The following ADCY3 variants were observed in gnomAD, a reference collection of about 807,000 sequenced individuals.
ADCY3 encodes the protein adenylate cyclase type 3.
ADCY3 carries 70 observed loss-of-function variants against 119.4 expected under a neutral mutation model. The observed-to-expected ratio is 0.59, with a 90% confidence interval of 0.48 to 0.72. ADCY3 has a LOEUF of 0.72. Ranked by LOEUF, ADCY3 falls within the 30% of genes least tolerant of loss-of-function variation. ADCY3 has a pLI of 0.00. For missense variants in ADCY3, 1,238 were observed against 1,541.6 expected, an observed-to-expected ratio of 0.80 and a Z score of 3.30; for synonymous variants, 672 against 621.4, an observed-to-expected ratio of 1.08 and a Z score of -1.21.
intron 13 of ADCY3, among the ~76,000 whole-genome samples, chr2:24,829,068 G>A (rs976528619): frequency 6.6e-6 from 1 of 150,572 alleles, no homozygotes; most frequent in Non-Finnish European, 1.5e-5. Flanking sequence ...CCAGACTGGC[G>A]TGCAGTGGTG....
intron 2 of ADCY3, among the ~76,000 whole-genome samples, chr2:24,882,002 T>C (rs1442059520): frequency 1.3e-5 from 2 of 152,246 alleles, no homozygotes; most frequent in Non-Finnish European, 2.9e-5. Flanking sequence ...GCCTTCTTCC[T>C]TTTTGATTCC....
chr2:24,871,170 G>A (rs1674966558), intron 3 of ADCY3, among the ~76,000 whole-genome samples: 1 of 151,446 alleles, frequency 6.6e-6, no homozygotes, highest in South Asian at 2.1e-4. Context: ...CCAGAGGGAT[G>A]CCTCCACAGT....
chr2:24,903,165 A>AG (rs1679107372), intron 2 of ADCY3, among the ~76,000 whole-genome samples: 1 of 151,844 alleles, frequency 6.6e-6, no homozygotes, highest in African/African-American at 2.4e-5. Context: ...AAAAAAAAAA[A>AG]AAAGTTATAC....
intron 2 of ADCY3, among the ~76,000 whole-genome samples, chr2:24,901,109 A>T (rs1678847315): frequency 6.6e-6 from 1 of 152,152 alleles, no homozygotes; most frequent in South Asian, 2.1e-4. Flanking sequence ...AGCAGCGAGG[A>T]GGGAGCAGGT....
chr2:24,830,893 G>T, intron 12 of ADCY3, 68 bp from the exon 13 acceptor site: 2 of 1,245,724 alleles, frequency 1.6e-6, no homozygotes, highest in Non-Finnish European at 2.3e-6. Context: ...GTGACTGACA[G>T]CAACTCAGGC....
chr2:24,829,022 C>CTTTCTTT (rs568267373), intron 13 of ADCY3, among the ~76,000 whole-genome samples: 1 of 144,542 alleles, frequency 6.9e-6, no homozygotes, highest in Admixed American at 6.8e-5. Context: ...TCTTTTTTTT[C>CTTTCTTT]TTTTTTTTTT....
Position 24,878,135 on chromosome 2 carries a change from A to T in ADCY3, c.676-5416T>A, listed in dbSNP as rs897464768. 1 of 274,016 alleles carries T rather than the reference A, an allele frequency of 3.6e-6. No individual in the cohort carries two copies. Among genetic ancestry groups the T allele is most frequent in the African/African-American group, 2.2e-5 (1 of 45,238 alleles). 17.0% of individuals were successfully genotyped at this position (274,016 alleles called of 1,614,324 possible). A position where few individuals can be genotyped will look rare whatever the true frequency, so the allele number is the denominator to read the frequency against. ...TTCAAAAGAATTGTTCTGCTTTTTTAAAATATACAACATTTTTAGAATAAT... is the reference window on the plus strand; with the variant it reads ...TTCAAAAGAATTGTTCTGCTTTTTTTAAATATACAACATTTTTAGAATAAT... On this transcript the variant is annotated intron_variant, in intron 2 of 21. Coordinates refer to ENST00000679454, the MANE Select transcript of ADCY3 (RefSeq NM_004036.5). The surrounding 1 kb of genome is among the most constrained non-coding windows in gnomAD (Gnocchi z 4.0).
chr2:24,887,275 A>T (rs78542870), intron 2 of ADCY3, among the ~76,000 whole-genome samples: 1 of 152,190 alleles, frequency 6.6e-6, no homozygotes. Context: ...AAACCACCCC[A>T]TGATTCAACT....
At chr2:24,839,657 A>G (rs1180962078) in intron 7 of ADCY3, among the ~76,000 whole-genome samples, 1 of 152,178 alleles carries the variant, frequency 6.6e-6, no homozygotes, top group Non-Finnish European at 1.5e-5. Flanking sequence ...GAAAAGCCAC[A>G]TCCAATATCA....
intron 3 of ADCY3, among the ~76,000 whole-genome samples, chr2:24,854,116 C>G (rs1214864431): frequency 1.3e-5 from 2 of 152,206 alleles, no homozygotes; most frequent in African/African-American, 4.8e-5. Context: ...TGGCTTCACT[C>G]TTGGACTGTG....
chr2:24,898,164 C>T lies in ADCY3; in HGVS notation c.675+20149G>A, dbSNP rs1573021687. Among the ~76,000 whole-genome samples, 2 of 152,270 alleles carry T rather than the reference C, an allele frequency of 1.3e-5. No homozygotes were observed. Among genetic ancestry groups the T allele is most frequent in the South Asian group, 2.1e-4 (1 of 4,820 alleles). Reference sequence around the variant, plus strand: ...TTGTTCACAAGCCACTGCCACTGCCCCTCCCCTACTGACCTCAGGATCGAA... The same window carrying T: ...TTGTTCACAAGCCACTGCCACTGCCTCTCCCCTACTGACCTCAGGATCGAA... On this transcript the variant is annotated intron_variant, in intron 2 of 21. Transcript: ENST00000679454. The surrounding 1 kb of genome is among the most constrained non-coding windows in gnomAD (Gnocchi z 4.3).
At chr2:24,861,244 C>G (rs1282077610) in intron 3 of ADCY3, among the ~76,000 whole-genome samples, 3 of 80,154 alleles carry the variant, frequency 3.7e-5, no homozygotes, top group Non-Finnish European at 7.6e-5. Flanking sequence ...GAGTGAGACT[C>G]CATCTCAAAA....
At position 24,841,158 on chromosome 2, in the gene ADCY3, C is replaced by T. The variant is rs761212006; in HGVS notation, c.1196+101G>A. ...CCAGTCTCTGCTTCCAGCAGATCCCCCACCCAGGGGCCATGGCCAGCGCGG... is the reference window on the plus strand; with the variant it reads ...CCAGTCTCTGCTTCCAGCAGATCCCTCACCCAGGGGCCATGGCCAGCGCGG... On this transcript the variant is annotated intron_variant, in intron 6 of 21. Transcript: ENST00000679454. The surrounding 1 kb of genome is among the most constrained non-coding windows in gnomAD (Gnocchi z 5.8). 1.8e-4 allele frequency: 235 copies of T among 1,332,140 alleles called. No homozygotes were observed. Among genetic ancestry groups the T allele is most frequent in the Non-Finnish European group, 2.2e-4 (221 of 1,003,948 alleles). The allele number at this position is 1,332,140 out of a possible 1,614,324, so 82.5% of individuals were successfully genotyped here. A position where few individuals can be genotyped will look rare whatever the true frequency, so the allele number is the denominator to read the frequency against.
intron 3 of ADCY3, among the ~76,000 whole-genome samples, chr2:24,869,981 C>T (rs1258574456): frequency 2.0e-5 from 3 of 151,930 alleles, no homozygotes; most frequent in Non-Finnish European, 4.4e-5. Flanking sequence ...CTTTACCAAT[C>T]CCAGTGGGAT....
At chr2:24,893,088 C>G (rs1392764456) in intron 2 of ADCY3, among the ~76,000 whole-genome samples, 3 of 143,542 alleles carry the variant, frequency 2.1e-5, no homozygotes, top group Non-Finnish European at 4.5e-5. Context: ...AGCTGCAGTG[C>G]AGTTGTGCAA....
intron 21 of ADCY3, chr2:24,820,356 A>G: frequency 1.1e-5 from 15 of 1,327,572 alleles, no homozygotes; most frequent in Non-Finnish European, 1.4e-5. Context: ...TAGGATGGCC[A>G]TGGTCACCTG....
intron 2 of ADCY3, among the ~76,000 whole-genome samples, chr2:24,916,459 G>A (rs887476971): frequency 1.2e-4 from 19 of 152,210 alleles, no homozygotes; most frequent in Admixed American, 8.5e-4. Context: ...CGAGGCGGGC[G>A]GATTATGAGG....
At position 24,920,129 on chromosome 2, in the gene ADCY3, C is replaced by T. The variant is rs970342500; in HGVS notation, c.-644G>A. The stretch of plus-strand genomic sequence containing the variant: ...GCGGGCCGAGCCCGGGGAAGCCCGC[C>T]AGCATCCTCTCGCCCGCCCGCGCCG... On this transcript the variant is annotated 5_prime_UTR_variant, in exon 1 of 22. Transcript: ENST00000679454. The surrounding 1 kb of genome is among the most constrained non-coding windows in gnomAD (Gnocchi z 4.5). Among the ~76,000 whole-genome samples, 21 of 146,336 alleles carry T rather than the reference C, an allele frequency of 1.4e-4. No individual in the cohort carries two copies. In the South Asian group the frequency reaches 3.7e-3, roughly 26 times the overall value.
chr2:24,903,019 C>T (rs1301792117), intron 2 of ADCY3, among the ~76,000 whole-genome samples: 3 of 151,712 alleles, frequency 2.0e-5, no homozygotes, highest in African/African-American at 4.8e-5. Flanking sequence ...TGGTGGCGGG[C>T]GCCTATAGTC....
Sources: allele counts gnomAD v4.1 joint callset (sites outside exome capture counted in the v4.1 genomes callset), GRCh38; gene constraint gnomAD v4.1.1; non-coding constraint Gnocchi (gnomAD v3.1); transcripts MANE v1.5; gene names NCBI Gene and HGNC (gene_info 2026-07-23, HGNC 2026-07-21).